Variants in ZHX2 observed in about 807,000 individuals in gnomAD.
ZHX2 encodes zinc fingers and homeoboxes 2, also known as zinc fingers and homeoboxes protein 2.
ZHX2 carries 6 observed loss-of-function variants against 21.9 expected under a neutral mutation model. The observed-to-expected ratio is 0.27, with a 90% CI of 0.15 to 0.54. ZHX2 has a LOEUF of 0.54. Among genes scored for constraint, ZHX2 ranks in the 20% least tolerant of loss-of-function variants. ZHX2 has a pLI of 0.95. For synonymous variants in ZHX2, 434 were observed against 437.1 expected, an observed-to-expected ratio of 0.99 and a Z score of 0.09; for missense variants, 908 against 1,090.7, an observed-to-expected ratio of 0.83 and a Z score of 2.36.
At chr8:122,835,222 ACCTTC>A (rs1818467063) in intron 1 of ZHX2, among the ~76,000 whole-genome samples, 1 of 152,246 alleles carries the variant, frequency 6.6e-6, no homozygotes, top group African/African-American at 2.4e-5. Context: ...CTCTAACAAT[ACCTTC>A]ATTTTCTACT....
chr8:122,917,604 A>G (rs1488344188), intron 2 of ZHX2, among the ~76,000 whole-genome samples: 2 of 152,202 alleles, frequency 1.3e-5, no homozygotes, highest in Non-Finnish European at 2.9e-5. Flanking sequence ...CCAAAGGATG[A>G]CCTGATGAAG....
chr8:122,806,481 C>T (rs971660004), intron 1 of ZHX2, among the ~76,000 whole-genome samples: 4 of 152,188 alleles, frequency 2.6e-5, no homozygotes, highest in Admixed American at 1.3e-4. Context: ...GCCCAGAACA[C>T]GGTGTGTGCA....
intron 1 of ZHX2, among the ~76,000 whole-genome samples, chr8:122,838,825 T>C (rs1657876308): frequency 6.6e-6 from 1 of 152,148 alleles, no homozygotes; most frequent in African/African-American, 2.4e-5. Context: ...TCTGCCCGCC[T>C]TGCCCTCCCA....
At chr8:122,838,643 T>C (rs2130702434) in intron 1 of ZHX2, among the ~76,000 whole-genome samples, 1 of 148,092 alleles carries the variant, frequency 6.8e-6, no homozygotes, top group South Asian at 2.2e-4. Flanking sequence ...TGGCTCGATC[T>C]CGGCTCACTG....
intron 3 of ZHX2, among the ~76,000 whole-genome samples, chr8:122,957,430 T>C (rs562593312): frequency 6.6e-6 from 1 of 152,096 alleles, no homozygotes; most frequent in East Asian, 1.9e-4. Flanking sequence ...CAGATATCTC[T>C]GATGGCTCCC....
At chr8:122,843,713 A>T (rs1026354278) in intron 1 of ZHX2, among the ~76,000 whole-genome samples, 1 of 152,156 alleles carries the variant, frequency 6.6e-6, no homozygotes, top group African/African-American at 2.4e-5. Flanking sequence ...CTTGGGAAAG[A>T]ACTGTTGGCA....
At chr8:122,972,903 G>A (rs1247497071) in intron 3 of ZHX2, among the ~76,000 whole-genome samples, 2 of 152,090 alleles carry the variant, frequency 1.3e-5, no homozygotes, top group African/African-American at 2.4e-5. Flanking sequence ...GGAGCCACTG[G>A]GACTGGTTGA....
At chr8:122,923,213 A>G (rs1172033159) in intron 2 of ZHX2, among the ~76,000 whole-genome samples, 1 of 152,236 alleles carries the variant, frequency 6.6e-6, no homozygotes, top group African/African-American at 2.4e-5. Flanking sequence ...ATTATATCTC[A>G]CAGTTCTGTG....
At chr8:122,838,581 T>C (rs1420662230) in intron 1 of ZHX2, among the ~76,000 whole-genome samples, 1 of 148,656 alleles carries the variant, frequency 6.7e-6, no homozygotes, top group African/African-American at 2.5e-5. Flanking sequence ...TGATTTTTTT[T>C]TTTTTTTTTT....
At chr8:122,791,181 A>G (rs540104981) in intron 1 of ZHX2, among the ~76,000 whole-genome samples, 2 of 152,316 alleles carry the variant, frequency 1.3e-5, no homozygotes, top group African/African-American at 4.8e-5. Context: ...TCCTCTGCCT[A>G]CGGTCTTCCT....
Position 122,951,591 on chromosome 8 carries a change from A to G in ZHX2, c.81A>G (p.Val27=). 6.2e-7 allele frequency: 1 copy of G among 1,614,012 alleles called. No homozygotes were observed. Among genetic ancestry groups the G allele is most frequent in the Non-Finnish European group, 8.5e-7 (1 of 1,179,984 alleles). The part of the protein sequence containing the change: ...QVVEQDVPEE[V]DRAKEKGIGT... ...TAGAACAAGATGTGCCCGAGGAAGT[A>G]GACAGGGCCAAAGAGAAAGGAATCG... The change falls in exon 3 of 4, where the codon GTA becomes GTG. Residue 27 remains valine (V), a synonymous_variant. Transcript: ENST00000314393.
chr8:122,948,070 A>G (rs1423796992), intron 2 of ZHX2, among the ~76,000 whole-genome samples: 1 of 152,076 alleles, frequency 6.6e-6, no homozygotes, highest in Non-Finnish European at 1.5e-5. Flanking sequence ...TTCATCTTCG[A>G]GGGGCCAGGT....
rs151303733 is a variant in ZHX2, at chr8:122,823,289, T to C, written c.-282-40188T>C. 4.1e-4 allele frequency among the ~76,000 whole-genome samples: 62 copies of C among 152,358 alleles called. 1 individual carries two copies. The East Asian group carries it at 0.011, about 27-fold the overall frequency. Reference sequence around the variant, plus strand: ...TAACATCCTAGAAGAAGGATTCCTGTTCTTATACTCAGCTCTCTCTGACAT... The same window carrying C: ...TAACATCCTAGAAGAAGGATTCCTGCTCTTATACTCAGCTCTCTCTGACAT... On this transcript the variant is annotated intron_variant, in intron 1 of 3. Transcript: ENST00000314393.
chr8:122,802,087 A>G (rs1233361354), intron 1 of ZHX2, among the ~76,000 whole-genome samples: 2 of 152,166 alleles, frequency 1.3e-5, no homozygotes, highest in South Asian at 2.1e-4. Context: ...CTTTTTTGAC[A>G]GAGTCTGACT....
intron 2 of ZHX2, among the ~76,000 whole-genome samples, chr8:122,902,414 A>G (rs1358846394): frequency 6.6e-6 from 1 of 151,902 alleles, no homozygotes; most frequent in Non-Finnish European, 1.5e-5. Flanking sequence ...AAGTTGCATG[A>G]CCTCTCTGTG....
At chr8:122,798,511 G>A (rs1406016706) in intron 1 of ZHX2, among the ~76,000 whole-genome samples, 3 of 152,134 alleles carry the variant, frequency 2.0e-5, no homozygotes, top group Non-Finnish European at 2.9e-5. Context: ...GTAAGGACCC[G>A]GCTGAGCACG....
At position 122,952,877 on chromosome 8, in the gene ZHX2, C is replaced by A; in HGVS notation, c.1367C>A (p.Ala456Asp). 1.2e-6 allele frequency: 2 copies of A among 1,614,150 alleles called. No homozygotes were observed. Among genetic ancestry groups the A allele is most frequent in the Non-Finnish European group, 1.7e-6 (2 of 1,180,044 alleles). The stretch of plus-strand genomic sequence containing the variant: ...AAGGAGCAGATAGCACATCTCAAGG[C>A]CAGCTTTCTCCAGAGCCAGTTCCCT... ...KTKEQIAHLK[A>D]SFLQSQFPDD... is the part of the protein sequence containing the mutation. The change falls in exon 3 of 4, where the codon GCC becomes GAC. Residue 456 changes from alanine (A) to aspartate (D), a missense_variant. By Grantham distance (126) the Ala-to-Asp change is moderately radical. This residue lies in a region of ZHX2 where 232 missense variants were observed against 361.8 expected (regional missense o/e 0.64). Coordinates refer to ENST00000314393, the MANE Select transcript of ZHX2 (RefSeq NM_014943.5). This position sits in a 1 kb window ranked among gnomAD's most constrained non-coding sequence, Gnocchi z 6.9.
intron 2 of ZHX2, among the ~76,000 whole-genome samples, chr8:122,895,447 G>A (rs1239226734): frequency 6.6e-6 from 1 of 152,192 alleles, no homozygotes; most frequent in African/African-American, 2.4e-5. Flanking sequence ...CAGCATAATT[G>A]GCTTTGCATG....
At chr8:122,830,678 G>C (rs1259700011) in intron 1 of ZHX2, among the ~76,000 whole-genome samples, 1 of 152,176 alleles carries the variant, frequency 6.6e-6, no homozygotes, top group Non-Finnish European at 1.5e-5. Context: ...GTGTCGACAG[G>C]GAGAAGCATG....
Sources: gnomAD v4.1 joint callset for allele counts (sites outside exome capture counted in the v4.1 genomes callset) on GRCh38, gnomAD v4.1.1 for gene constraint, gnomAD v4.1.1 regional missense constraint, Gnocchi (gnomAD v3.1) non-coding constraint, MANE v1.5 for transcripts, NCBI Gene and HGNC (gene_info 2026-07-23, HGNC 2026-07-21) for gene names.